Variants in SEMA6D observed in about 807,000 individuals in gnomAD.
SEMA6D encodes the protein semaphorin-6D.
SEMA6D carries 35 observed loss-of-function variants against 106.6 expected under a neutral mutation model. The ratio of observed to expected loss-of-function variants is 0.33; its 90% CI spans 0.25 to 0.44. SEMA6D has a LOEUF of 0.44. SEMA6D is among the 20% of genes least tolerant of loss of function. The pLI is 1.00. For synonymous variants in SEMA6D, 499 were observed against 487.7 expected (o/e 1.02, Z -0.31); for missense variants, 1,185 against 1,345.9 (o/e 0.88, Z 1.87).
intron 1 of SEMA6D, among the ~76,000 whole-genome samples, chr15:47,737,169 C>G (rs1357734957): frequency 6.6e-6 from 1 of 152,130 alleles, no homozygotes; most frequent in Non-Finnish European, 1.5e-5. Flanking sequence ...TTCGTGATTT[C>G]TTAGGGTACA....
chr15:47,569,188 G>A (rs2046312677), intron 3 of SEMA6D, among the ~76,000 whole-genome samples: 2 of 152,148 alleles, frequency 1.3e-5, no homozygotes. Flanking sequence ...GTTACATTAA[G>A]CTGTAAGAAA....
intron 1 of SEMA6D, among the ~76,000 whole-genome samples, chr15:47,753,006 CA>C (rs35829736): frequency 0.23 from 31,674 of 140,728 alleles, 3,704 homozygotes; most frequent in Non-Finnish European, 0.27. Context: ...AAGACACTGT[CA>C]AAAAAAAAAA....
At chr15:47,739,559 G>T (rs1006275162) in intron 1 of SEMA6D, among the ~76,000 whole-genome samples, 2 of 152,152 alleles carry the variant, frequency 1.3e-5, no homozygotes, top group Admixed American at 6.5e-5. Context: ...GAAGAATAAT[G>T]ACATTAGGCA....
At chr15:47,579,150 T>G (rs1241435290) in intron 3 of SEMA6D, among the ~76,000 whole-genome samples, 1 of 151,450 alleles carries the variant, frequency 6.6e-6, no homozygotes, top group African/African-American at 2.4e-5. Context: ...ATTTTTTTTT[T>G]TTTTTTTTTG....
intron 18 of SEMA6D, among the ~76,000 whole-genome samples, chr15:47,769,878 C>T (rs188294219): frequency 6.6e-6 from 1 of 151,694 alleles, no homozygotes; most frequent in Non-Finnish European, 1.5e-5. Context: ...GTCTGGGTTT[C>T]TTACATAGTC....
At chr15:47,534,425 C>T (rs2045085318) in intron 3 of SEMA6D, among the ~76,000 whole-genome samples, 1 of 152,064 alleles carries the variant, frequency 6.6e-6, no homozygotes, top group African/African-American at 2.4e-5. Flanking sequence ...TCAAGTGATC[C>T]ACCCACCGCA....
At chr15:47,209,691 C>T (rs1895352480) in intron 1 of SEMA6D, among the ~76,000 whole-genome samples, 1 of 152,128 alleles carries the variant, frequency 6.6e-6, no homozygotes, top group African/African-American at 2.4e-5. Flanking sequence ...AAATCATTCC[C>T]TGGTCCCCGT....
At position 47,364,176 on chromosome 15, in the gene SEMA6D, G is replaced by A. The variant is rs1313657587; in HGVS notation, c.-238-48217G>A. Among the ~76,000 whole-genome samples, 4 of 152,172 alleles carry A rather than the reference G, an allele frequency of 2.6e-5. No homozygotes were observed. The East Asian group carries it at 5.8e-4, about 22-fold the overall frequency. On this transcript the variant is annotated intron_variant, in intron 1 of 19. Coordinates refer to the SEMA6D transcript ENST00000558014. ...CCAGGCAAGACAGTGCATGTTCATCGTATTAATCCTAGCATCACTCAGTTA... is the reference window on the plus strand; with the variant it reads ...CCAGGCAAGACAGTGCATGTTCATCATATTAATCCTAGCATCACTCAGTTA...
chr15:47,299,789 C>T (rs1222440222), intron 1 of SEMA6D, among the ~76,000 whole-genome samples: 1 of 152,132 alleles, frequency 6.6e-6, no homozygotes, highest in Non-Finnish European at 1.5e-5. Flanking sequence ...ACTATAGATC[C>T]TGTAGGTACT....
intron 4 of SEMA6D, among the ~76,000 whole-genome samples, chr15:47,654,575 C>A (rs1279249348): frequency 6.6e-6 from 1 of 152,128 alleles, no homozygotes; most frequent in Non-Finnish European, 1.5e-5. Context: ...CCAATGTTGG[C>A]GATTGGGCCT....
chr15:47,713,430 C>A (rs2079056432), upstream of SEMA6D, among the ~76,000 whole-genome samples: 1 of 152,212 alleles, frequency 6.6e-6, no homozygotes, highest in Non-Finnish European at 1.5e-5. Context: ...GAGTCACTTT[C>A]ATATGCAGAC....
intron 3 of SEMA6D, among the ~76,000 whole-genome samples, chr15:47,513,914 C>G (rs1189799973): frequency 1.3e-5 from 2 of 152,154 alleles, no homozygotes; most frequent in Non-Finnish European, 2.9e-5. Flanking sequence ...TGCGCTGGAC[C>G]TGTTTCAACA....
intron 3 of SEMA6D, among the ~76,000 whole-genome samples, chr15:47,529,565 G>C (rs2044879194): frequency 6.9e-6 from 1 of 145,866 alleles, no homozygotes; most frequent in Non-Finnish European, 1.5e-5. Flanking sequence ...AAATTCTTCT[G>C]GATGTTTCTC....
At position 47,495,128 on chromosome 15, in the gene SEMA6D, A is replaced by G. The variant is rs571258549; in HGVS notation, c.-87+24583A>G. On this transcript the variant is annotated intron_variant, in intron 3 of 19. Transcript: ENST00000558014. ...ATGCCTCACCATTTTCTTGTTAAAA[A>G]TCTGCTTTGAATAGGAAAAGAAAAA... is the stretch of plus-strand genomic sequence containing the variant. Among the ~76,000 whole-genome samples, 29 of 152,060 alleles carry G rather than the reference A, an allele frequency of 1.9e-4. 1 individual carries two copies. The highest frequency in any genetic ancestry group is 7.0e-4 in the African/African-American group (29 of 41,546).
In SEMA6D at chr15:47,477,220, G is replaced by T. The variant is rs2043027706; in HGVS notation, c.-87+6675G>T. 3.9e-5 allele frequency among the ~76,000 whole-genome samples: 6 copies of T among 152,176 alleles called. 1 individual carries two copies. The South Asian group carries it at 1.2e-3, about 32-fold the overall frequency. ...GTTTTTAAATACCACATGAACTCTT[G>T]CTGGAGTCTGCATGTAAATTATGTT... On this transcript the variant is annotated intron_variant, in intron 3 of 19. Coordinates refer to the SEMA6D transcript ENST00000558014.
rs577733591 is a variant in SEMA6D, at chr15:47,464,902, A to C, written c.-158-5572A>C. ...ACCAAGTGGGGGTTTGCCTGAATTT[A>C]CTCTATTAAGAGACTCTTAAGTTTC... is the stretch of plus-strand genomic sequence containing the variant. On this transcript the variant is annotated intron_variant, in intron 2 of 19. Coordinates refer to the SEMA6D transcript ENST00000558014. Among the ~76,000 whole-genome samples, 10 of 152,226 alleles carry C rather than the reference A, an allele frequency of 6.6e-5. No homozygotes were observed. The South Asian group carries it at 1.9e-3, about 28-fold the overall frequency.
intron 2 of SEMA6D, among the ~76,000 whole-genome samples, chr15:47,422,067 C>G (rs1484668117): frequency 6.7e-6 from 1 of 148,582 alleles, no homozygotes; most frequent in African/African-American, 2.5e-5. Flanking sequence ...AACTAAGAAC[C>G]ACAATGTTAA....
At chr15:47,566,466 A>AGAGCCCAAAC (rs2046231755) in intron 3 of SEMA6D, among the ~76,000 whole-genome samples, 1 of 152,258 alleles carries the variant, frequency 6.6e-6, no homozygotes, top group East Asian at 1.9e-4. Context: ...CAAAATGTGC[A>AGAGCCCAAAC]TGCATCAGGT....
chr15:47,591,626 G>C (rs1000277913), intron 3 of SEMA6D, among the ~76,000 whole-genome samples: 1 of 152,192 alleles, frequency 6.6e-6, no homozygotes, highest in African/African-American at 2.4e-5. Context: ...GGGGCTATGA[G>C]AGGATAGGCT....
Sources: allele counts gnomAD v4.1 joint callset (sites outside exome capture counted in the v4.1 genomes callset), GRCh38; gene constraint gnomAD v4.1.1; transcripts MANE v1.5; gene names NCBI Gene and HGNC (gene_info 2026-07-23, HGNC 2026-07-21).